The following DPY19L3 variants were observed in gnomAD, a reference collection of about 807,000 sequenced individuals.
DPY19L3 encodes the protein dpy-19 like C-mannosyltransferase 3, also known as protein C-mannosyl-transferase DPY19L3.
In DPY19L3, 51 loss-of-function variants were observed where a neutral mutation model predicts 92.3. The ratio of observed to expected loss-of-function variants is 0.55; its 90% CI spans 0.44 to 0.70. The LOEUF is 0.70. DPY19L3 is among the 30% of genes least tolerant of loss of function. The probability of loss-of-function intolerance (pLI) is 0.00; values close to 1 mark genes in which losing one functional copy is unlikely to be tolerated. For missense variants in DPY19L3, 706 were observed against 855.9 expected, an observed-to-expected ratio of 0.82 and a Z score of 2.18; for synonymous variants, 309 against 315.2, an observed-to-expected ratio of 0.98 and a Z score of 0.21.
chr19:32,452,762 C>T (rs902256319), intron 8 of DPY19L3, among the ~76,000 whole-genome samples: 2 of 152,184 alleles, frequency 1.3e-5, no homozygotes. Context: ...GGCGCATTCT[C>T]GGCTCACTGC....
chr19:32,435,601 T>C (rs1969112399), intron 4 of DPY19L3, among the ~76,000 whole-genome samples: 1 of 152,234 alleles, frequency 6.6e-6, no homozygotes, highest in Non-Finnish European at 1.5e-5. Context: ...GAGTCTACTT[T>C]TTTATAATCT....
chr19:32,436,382 G>A, intron 4 of DPY19L3, 64 bp from the exon 5 acceptor site: 1 of 1,279,924 alleles, frequency 7.8e-7, no homozygotes. Context: ...TCTGTGCATA[G>A]TTTTGAATGA....
chr19:32,481,586 G>T (rs1220323815), intron 18 of DPY19L3: 1 of 152,072 alleles, frequency 6.6e-6, no homozygotes, highest in African/African-American at 2.4e-5. Flanking sequence ...AGCTAATTTT[G>T]TTTATTTTTT....
At chr19:32,450,011 C>G (rs1447413983) in intron 8 of DPY19L3, among the ~76,000 whole-genome samples, 7 of 51,336 alleles carry the variant, frequency 1.4e-4, no homozygotes, top group African/African-American at 9.9e-4. Flanking sequence ...AATCATATAT[C>G]TGATCAGGAA....
At chr19:32,428,494 G>T (rs1484035092) in intron 3 of DPY19L3, among the ~76,000 whole-genome samples, 1 of 152,164 alleles carries the variant, frequency 6.6e-6, no homozygotes, top group Admixed American at 6.5e-5. Context: ...GGGGTCAGTG[G>T]CTGGGAAATG....
intron 9 of DPY19L3, 38 bp downstream of exon 9, chr19:32,453,314 T>G (rs1969767004): frequency 5.7e-6 from 9 of 1,567,402 alleles, no homozygotes; most frequent in Non-Finnish European, 7.8e-6. Context: ...AAGTAAACTT[T>G]TTTTTAATTG....
At chr19:32,405,940 G>A (rs10409264) in intron 1 of DPY19L3, 31 bp downstream of exon 1, 26,286 of 151,550 alleles carry the variant, frequency 0.17, 2,331 homozygotes, top group South Asian at 0.26. Context: ...ACGCGCGGGC[G>A]AGGGTCTACC....
chr19:32,468,463 G>A (rs1970260461), intron 15 of DPY19L3: 12 of 1,113,530 alleles, frequency 1.1e-5, no homozygotes, highest in Non-Finnish European at 1.3e-5. Flanking sequence ...CATTTCTATT[G>A]GAGCAAAATA....
intron 3 of DPY19L3, among the ~76,000 whole-genome samples, chr19:32,416,470 G>GC (rs140291774): frequency 0.012 from 1,793 of 152,140 alleles, 43 homozygotes; most frequent in African/African-American, 0.039. Context: ...CACGTTTGGG[G>GC]CCCCCCCAGG....
At position 32,482,846 on chromosome 19, in the gene DPY19L3, C is replaced by A. The variant is rs748204460; in HGVS notation, c.*606C>A. The A allele has an allele frequency of 6.6e-6, 1 of 152,530 alleles. No individual in the cohort carries two copies. Among genetic ancestry groups the A allele is most frequent in the African/African-American group, 2.4e-5 (1 of 41,448 alleles). The allele number at this position is 152,530 out of a possible 1,614,324, so 9.4% of individuals were successfully genotyped here. On this transcript the variant is annotated 3_prime_UTR_variant, in exon 19 of 19. Coordinates refer to ENST00000392250, the MANE Select transcript of DPY19L3 (RefSeq NM_001172774.2). ...TGAAATGTAATGTGGAGTACTTCAG[C>A]AGTATGTGTCATGTATTGTGTGTGT...
intron 3 of DPY19L3, among the ~76,000 whole-genome samples, chr19:32,415,983 A>T (rs930491420): frequency 6.6e-6 from 1 of 152,208 alleles, no homozygotes; most frequent in Non-Finnish European, 1.5e-5. Flanking sequence ...CCAAGCTAAG[A>T]TCTGCGAGAA....
chr19:32,435,432 C>T (rs1969107111), intron 4 of DPY19L3, among the ~76,000 whole-genome samples: 1 of 152,110 alleles, frequency 6.6e-6, no homozygotes, highest in Admixed American at 6.5e-5. Context: ...GACCTTGTGC[C>T]AATGTCATTT....
chr19:32,437,058 A>G (rs1368045827), intron 5 of DPY19L3, 136 bp from the exon 6 acceptor site: 1 of 979,944 alleles, frequency 1.0e-6, no homozygotes, highest in South Asian at 1.8e-5. Context: ...TCTCTAATAG[A>G]TGAAAGGGGT....
At chr19:32,410,108 T>C (rs1968126205) in intron 2 of DPY19L3, among the ~76,000 whole-genome samples, 3 of 152,220 alleles carry the variant, frequency 2.0e-5, no homozygotes, top group Admixed American at 2.0e-4. Flanking sequence ...TATTAGCATT[T>C]TGAAAGCTGT....
At chr19:32,480,261 G>A (rs1218457119) in intron 17 of DPY19L3, 138 bp from the exon 18 acceptor site, 3 of 903,606 alleles carry the variant, frequency 3.3e-6, no homozygotes, top group Non-Finnish European at 4.9e-6. Flanking sequence ...AAATGAGCGA[G>A]TGCAGCGTGG....
In DPY19L3 at chr19:32,458,930, C is replaced by T. The variant is rs137966284; in HGVS notation, c.1322+421C>T. Among the ~76,000 whole-genome samples the T allele has an allele frequency of 6.0e-4, 92 of 152,340 alleles. No individual in the cohort carries two copies. The East Asian group carries it at 0.016, about 27-fold the overall frequency. On this transcript the variant is annotated intron_variant, in intron 12 of 18. Transcript: ENST00000392250. ...CCATCGTGAACTGGTTTCATTATCA[C>T]TGTTGACTCATAAGCCTCTGTTGTG...
intron 18 of DPY19L3, 128 bp from the exon 19 acceptor site, chr19:32,481,951 A>C: frequency 1.9e-6 from 2 of 1,057,514 alleles, no homozygotes; most frequent in Non-Finnish European, 2.7e-6. Flanking sequence ...GTGCCCATGG[A>C]CATTGAAATA....
chr19:32,421,728 G>A (rs1057016387), intron 3 of DPY19L3, among the ~76,000 whole-genome samples: 1 of 151,902 alleles, frequency 6.6e-6, no homozygotes, highest in Non-Finnish European at 1.5e-5. Context: ...CTCCTAAGGG[G>A]TAAAACCAAC....
At chr19:32,471,850 A>T (rs796271101) in intron 16 of DPY19L3, among the ~76,000 whole-genome samples, 12 of 152,328 alleles carry the variant, frequency 7.9e-5, no homozygotes, top group African/African-American at 2.6e-4. Flanking sequence ...GAAGGGTCAT[A>T]CCCAAGGGAT....
Sources: gnomAD v4.1 joint callset for allele counts (sites outside exome capture counted in the v4.1 genomes callset) on GRCh38, gnomAD v4.1.1 for gene constraint, MANE v1.5 for transcripts, NCBI Gene and HGNC (gene_info 2026-07-23, HGNC 2026-07-21) for gene names.